The following MBOAT7 variants were observed in gnomAD, a reference collection of about 807,000 sequenced individuals.
MBOAT7 encodes the protein membrane-bound acylglycerophosphatidylinositol O-acyltransferase MBOAT7.
A neutral mutation model predicts 47.4 loss-of-function variants in MBOAT7; 40 were observed. That is an observed-to-expected ratio of 0.84 (90% confidence interval 0.66 to 1.10). The LOEUF is 1.10. MBOAT7 is among the 50% of genes least tolerant of loss of function. MBOAT7 has a pLI of 0.00. For synonymous variants in MBOAT7, 361 were observed against 292.0 expected, an observed-to-expected ratio of 1.24 and a Z score of -2.41; for missense variants, 680 against 655.6, an observed-to-expected ratio of 1.04 and a Z score of -0.41.
At position 54,181,615 on chromosome 19, in the gene MBOAT7, CAGGGAGGGAGGG is replaced by C. The variant is rs1055251541; in HGVS notation, c.494-494_494-483del. 7.8e-4 allele frequency among the ~76,000 whole-genome samples: 62 copies of C among 79,836 alleles called. 1 individual carries two copies. The highest frequency in any genetic ancestry group is 4.7e-3 in the Admixed American group (24 of 5,078). The allele number at this position is 79,836 out of a possible 152,430, so 52.4% of individuals were successfully genotyped here. A position where few individuals can be genotyped will look rare whatever the true frequency, so the allele number is the denominator to read the frequency against. ...AGTGACTGAGCTACTGCATTCCAGCCAGGGAGGGAGGGAGGGAGGGAGGGAAGGAGTGAAGAA... is the reference window on the plus strand; with the variant it reads ...AGTGACTGAGCTACTGCATTCCAGCCAGGGAGGGAGGGAAGGAGTGAAGAA... On this transcript the variant is annotated intron_variant, in intron 5 of 7. Transcript: ENST00000245615.
intron 5 of MBOAT7, among the ~76,000 whole-genome samples, chr19:54,183,031 A>C (rs754068082): frequency 6.0e-4 from 91 of 152,244 alleles, no homozygotes; most frequent in Non-Finnish European, 1.1e-3. Flanking sequence ...ATTTTTTAAA[A>C]ATAAAGGTTT....
At chr19:54,177,708 C>G (rs958397167) in intron 7 of MBOAT7, among the ~76,000 whole-genome samples, 1 of 151,952 alleles carries the variant, frequency 6.6e-6, no homozygotes, top group Non-Finnish European at 1.5e-5. Context: ...TCCCTAGTAG[C>G]TGGGATTATA....
Position 54,174,197 on chromosome 19 carries a change from G to T in MBOAT7, c.1266C>A (p.Thr422=), listed in dbSNP as rs1375867911. The T allele has an allele frequency of 1.1e-5, 17 of 1,599,322 alleles. No individual in the cohort carries two copies. The highest frequency in any genetic ancestry group is 1.4e-5 in the Non-Finnish European group (16 of 1,171,348). Residue 422 remains threonine, a synonymous_variant, in exon 8 of 8, where the codon ACC becomes ACA. Coordinates refer to ENST00000245615, the MANE Select transcript of MBOAT7 (RefSeq NM_024298.5). ...AGTAGATGGAGGCCCAGTACCGAAG[G>T]GTGTCGGCCAAGGAGAGCAGCACGA... ...MGFVLLSLAD[T]LRYWASIYFC...
At chr19:54,174,827 T>TC (rs2076040332) in intron 7 of MBOAT7, among the ~76,000 whole-genome samples, 1 of 152,050 alleles carries the variant, frequency 6.6e-6, no homozygotes, top group Non-Finnish European at 1.5e-5. Context: ...GCTACAGGCC[T>TC]CTGTCTCCTT....
chr19:54,188,973 C>G (rs1377518546), intron 1 of MBOAT7, among the ~76,000 whole-genome samples: 2 of 151,800 alleles, frequency 1.3e-5, no homozygotes, highest in Non-Finnish European at 2.9e-5. Flanking sequence ...ATCCAGGAAC[C>G]CAGACCCCCT....
In MBOAT7 at chr19:54,184,628, C is replaced by T. The variant is rs572391112; in HGVS notation, c.334-948G>A. ...TTTAAAAAAAATAATTTTGGCCGGG[C>T]GCGGTGGCTCACGCCTGTAATCCCA... is the stretch of plus-strand genomic sequence containing the variant. On this transcript the variant is annotated intron_variant, in intron 4 of 7. Transcript: ENST00000245615. 9.9e-4 allele frequency among the ~76,000 whole-genome samples: 151 copies of T among 152,128 alleles called. 1 individual carries two copies. The highest frequency in any genetic ancestry group is 3.4e-3 in the Middle Eastern group (1 of 294).
intron 3 of MBOAT7, among the ~76,000 whole-genome samples, 176 bp downstream of exon 3, chr19:54,188,041 G>GAAAGA (rs1555842543): frequency 1.4e-5 from 2 of 147,926 alleles, no homozygotes; most frequent in Non-Finnish European, 3.0e-5. Context: ...AAGAAAGAAA[G>GAAAGA]AAAGAAAGAA....
At position 54,187,270 on chromosome 19, in the gene MBOAT7, G is replaced by C. The variant is rs1333269456; in HGVS notation, c.224C>G (p.Ala75Gly). The C allele has an allele frequency of 1.2e-6, 2 of 1,610,470 alleles. No individual in the cohort carries two copies. The highest frequency in any genetic ancestry group is 4.5e-5 in the East Asian group (2 of 44,778). ...GAGATAGGAGAAAGTCCAGGCCAGA[G>C]CCAGGGCGTGGCAGGAGCTGGGCAA... ...QAQPCSCHAL[A>G]LAWTFSYLLF... The change falls in exon 4 of 8, where the codon GCT becomes GGT. Residue 75 changes from alanine (A) to glycine (G), a missense_variant. Ala to Gly is a moderately conservative substitution (Grantham distance 60). Coordinates refer to ENST00000245615, the MANE Select transcript of MBOAT7 (RefSeq NM_024298.5).
In MBOAT7 at chr19:54,174,091, C is replaced by T. The variant is rs187952084; in HGVS notation, c.1372G>A (p.Ala458Thr). 6.2e-7 allele frequency: 1 copy of T among 1,606,936 alleles called. No homozygotes were observed. Among genetic ancestry groups the T allele is most frequent in the Admixed American group, 1.7e-5 (1 of 59,042 alleles). Residue 458 changes from alanine (A) to threonine (T), a missense_variant, in exon 8 of 8, where the codon GCA (alanine) becomes ACA (threonine). Coordinates refer to ENST00000245615, the MANE Select transcript of MBOAT7 (RefSeq NM_024298.5). ...GGGSPSRRKAASQPTSLAPEK... is the reference protein window; with the variant it reads ...GGGSPSRRKATSQPTSLAPEK... ...GGGGCAAGGCTGGTGGGCTGGGATG[C>T]TGCCTTCCGCCGGCTGGGGCTGCCC...
chr19:54,181,841 GGGAGGGAGGGAA>G (rs2076287714), intron 5 of MBOAT7, among the ~76,000 whole-genome samples: 3 of 7,372 alleles, frequency 4.1e-4, no homozygotes, highest in South Asian at 8.2e-3. Context: ...GAAGGAAGGA[GGGAGGGAGGGAA>G]GGAGGGAAGG....
Position 54,187,223 on chromosome 19 carries a change from G to C in MBOAT7, c.271C>G (p.Leu91Val). The C allele has an allele frequency of 6.2e-7, 1 of 1,606,402 alleles. No individual in the cohort carries two copies. Among genetic ancestry groups the C allele is most frequent in the Non-Finnish European group, 8.5e-7 (1 of 1,177,110 alleles). ...SYLLFFRALS[L>V]LGLPTPTPFT... ...GGCGTGGGAGTGGGCAGGCCCAGGA[G>C]GCTGAGGGCTCGGAAGAACAGGAGA... Residue 91 changes from leucine (L) to valine (V), a missense_variant, in exon 4 of 8, where the codon CTC becomes GTC. Leu to Val is a conservative substitution (Grantham distance 32). Transcript: ENST00000245615.
intron 7 of MBOAT7, 179 bp downstream of exon 7, chr19:54,178,586 G>A (rs1412128002): frequency 4.9e-6 from 7 of 1,426,832 alleles, no homozygotes; most frequent in South Asian, 1.5e-5. Context: ...GAGGGGGAAC[G>A]ATTTTACACC....
At chr19:54,174,979 T>C (rs547346372) in intron 7 of MBOAT7, among the ~76,000 whole-genome samples, 1 of 150,214 alleles carries the variant, frequency 6.7e-6, no homozygotes, top group Non-Finnish European at 1.5e-5. Flanking sequence ...CCAGTGGTTT[T>C]TTTTTTTTTT....
At chr19:54,181,183 C>A in intron 5 of MBOAT7, 50 bp from the exon 6 acceptor site, 1 of 1,444,360 alleles carries the variant, frequency 6.9e-7, no homozygotes, top group Non-Finnish European at 9.1e-7. Flanking sequence ...GTGGGCAGAG[C>A]TCAAGTCTGC....
rs762596416 is a variant in MBOAT7, at chr19:54,178,784, C to T, written c.1012G>A (p.Ala338Thr). ...LAQYIYKSAP[A>T]RSYVLRSAWT... ...ACTCACCGCAGGACATAGGAACGGG[C>T]AGGTGCGCTCTTGTAGATATACTGC... The change falls in exon 7 of 8, where the codon GCC becomes ACC. Residue 338 changes from alanine to threonine, a missense_variant. Coordinates refer to ENST00000245615, the MANE Select transcript of MBOAT7 (RefSeq NM_024298.5). The T allele has an allele frequency of 6.8e-6, 11 of 1,613,266 alleles. No individual in the cohort carries two copies. In the Middle Eastern group the frequency reaches 4.9e-4, roughly 72 times the overall value.
intron 4 of MBOAT7, among the ~76,000 whole-genome samples, chr19:54,185,245 A>T (rs2076399186): frequency 6.6e-6 from 1 of 152,114 alleles, no homozygotes; most frequent in Non-Finnish European, 1.5e-5. Context: ...TTTTGTAGAG[A>T]CAGGGTCTCA....
intron 7 of MBOAT7, among the ~76,000 whole-genome samples, chr19:54,175,106 G>A (rs886608264): frequency 6.6e-6 from 1 of 151,702 alleles, no homozygotes; most frequent in East Asian, 1.9e-4. Flanking sequence ...CTCCCGAGTA[G>A]CTGGGACTAC....
At chr19:54,179,095 G>C (rs1158671125) in intron 6 of MBOAT7, 154 bp from the exon 7 acceptor site, 1 of 1,091,546 alleles carries the variant, frequency 9.2e-7, no homozygotes, top group African/African-American at 1.6e-5. Flanking sequence ...AGCAAGGGAG[G>C]GTGGCCCAGA....
At chr19:54,176,944 G>T (rs1256750956) in intron 7 of MBOAT7, among the ~76,000 whole-genome samples, 3 of 151,778 alleles carry the variant, frequency 2.0e-5, no homozygotes, top group African/African-American at 2.4e-5. Context: ...AATTTTGGCC[G>T]GGCATGGTGA....
Sources: allele counts gnomAD v4.1 joint callset (sites outside exome capture counted in the v4.1 genomes callset), GRCh38; gene constraint gnomAD v4.1.1; transcripts MANE v1.5; gene names NCBI Gene and HGNC (gene_info 2026-07-23, HGNC 2026-07-21).